LBP: variants seen among roughly 807,000 people sequenced by gnomAD.
LBP encodes lipopolysaccharide-binding protein.
Under a neutral mutation model 56.6 loss-of-function variants are expected in LBP, and 53 were observed. That is an observed-to-expected ratio of 0.94 (90% confidence interval 0.75 to 1.18). LBP has a LOEUF of 1.18. Ranked by LOEUF, LBP falls within the 50% of genes most tolerant of loss-of-function variation. The pLI is 0.00. For synonymous variants in LBP, 227 were observed against 247.5 expected (o/e 0.92, Z 0.78); for missense variants, 601 against 598.3 (o/e 1.00, Z -0.05).
Position 38,364,032 on chromosome 20 carries a change from G to C in LBP, c.710G>C (p.Arg237Pro). 1.9e-6 allele frequency: 3 copies of C among 1,613,854 alleles called. No individual in the cohort carries two copies. Among genetic ancestry groups the C allele is most frequent in the East Asian group, 2.2e-5 (1 of 44,876 alleles). The change falls in exon 7 of 15, where the codon CGG (arginine) becomes CCG (proline). Residue 237 changes from arginine to proline, a missense_variant. Coordinates refer to ENST00000217407, the MANE Select transcript of LBP (RefSeq NM_004139.5). ...DIDYSLVEAP[R>P]ATAQMLEVMF... ...GATTATAGCTTAGTGGAAGCCCCTCGGGCAACAGCCCAGATGCTGGAGGTG... is the reference window on the plus strand; with the variant it reads ...GATTATAGCTTAGTGGAAGCCCCTCCGGCAACAGCCCAGATGCTGGAGGTG...
In LBP at chr20:38,354,158, T is replaced by A. The variant is rs1262765766; in HGVS notation, c.369-126T>A. 9 of 743,066 alleles carry A rather than the reference T, an allele frequency of 1.2e-5. No individual in the cohort carries two copies. The Admixed American group carries it at 2.5e-4, about 21-fold the overall frequency. 46.0% of individuals were successfully genotyped at this position (743,066 alleles called of 1,614,324 possible). A position where few individuals can be genotyped will look rare whatever the true frequency, so the allele number is the denominator to read the frequency against. ...CTTCTAGATCTTTTATGGCTTTATT[T>A]GTTATTCTTAAATCTCTGCTCAGCT... On this transcript the variant is annotated intron_variant, in intron 3 of 14. Coordinates refer to ENST00000217407, the MANE Select transcript of LBP (RefSeq NM_004139.5).
rs758122072 is a variant in LBP, at chr20:38,373,031, C to G, written c.1261-41C>G. The G allele has an allele frequency of 4.5e-5, 70 of 1,547,372 alleles. No homozygotes were observed. In the Middle Eastern group the frequency reaches 1.7e-3, roughly 37 times the overall value. On this transcript the variant is annotated intron_variant, in intron 12 of 14. Coordinates refer to ENST00000217407, the MANE Select transcript of LBP (RefSeq NM_004139.5). The stretch of plus-strand genomic sequence containing the variant: ...TGGCACACACAGAACCACCATGTGG[C>G]CCTGTGGCGATGTAAATATATCTCT...
intron 5 of LBP, 86 bp downstream of exon 5, chr20:38,355,495 C>T: frequency 4.9e-6 from 6 of 1,213,680 alleles, no homozygotes. Flanking sequence ...TGGACCAGGC[C>T]ATGGGGGCTG....
chr20:38,356,316 AC>A (rs2076839615), intron 5 of LBP, among the ~76,000 whole-genome samples: 1 of 123,878 alleles, frequency 8.1e-6, no homozygotes, highest in Non-Finnish European at 1.7e-5. Flanking sequence ...CACAAAACAC[AC>A]CACCCACAGA....
chr20:38,353,715 G>T (rs1447936231), intron 3 of LBP, among the ~76,000 whole-genome samples: 1 of 152,026 alleles, frequency 6.6e-6, no homozygotes, highest in Non-Finnish European at 1.5e-5. Context: ...CTGTTTACTC[G>T]TACATTCAAT....
intron 6 of LBP, 45 bp from the exon 7 acceptor site, chr20:38,363,929 TG>T (rs754260448): frequency 7.2e-7 from 1 of 1,392,278 alleles, no homozygotes; most frequent in Non-Finnish European, 1.0e-6. Context: ...CTCCAGCAGC[TG>T]AAAGTGTCAT....
At chr20:38,360,553 C>G (rs1568830942) in intron 5 of LBP, 151 bp from the exon 6 acceptor site, 1 of 599,944 alleles carries the variant, frequency 1.7e-6, no homozygotes. Context: ...TTTGTATTTC[C>G]TTGGTACCTG....
At chr20:38,366,655 A>G (rs1240637217) in intron 8 of LBP, 114 bp from the exon 9 acceptor site, 1 of 975,490 alleles carries the variant, frequency 1.0e-6, no homozygotes. Context: ...TGCCAGGGTA[A>G]CCCAGGCTGT....
Position 38,364,731 on chromosome 20 carries a change from C to A in LBP, c.900C>A (p.Asn300Lys). Residue 300 changes from asparagine (N) to lysine (K), a missense_variant, in exon 8 of 15, where the codon AAC (asparagine) becomes AAA (lysine). Coordinates refer to ENST00000217407, the MANE Select transcript of LBP (RefSeq NM_004139.5). ...SLVYHEEGYL[N>K]FSITDDMIPP... ...TTTATCATGAGGAAGGATATCTGAA[C>A]TTCTCCATCACAGATGACATGGTGA... 1 of 1,612,262 alleles carries A rather than the reference C, an allele frequency of 6.2e-7. No homozygotes were observed. The highest frequency in any genetic ancestry group is 1.1e-5 in the South Asian group (1 of 90,660).
At chr20:38,370,852 C>T (rs765476058) in intron 11 of LBP, 47 bp downstream of exon 11, 1 of 1,438,860 alleles carries the variant, frequency 6.9e-7, no homozygotes, top group African/African-American at 1.4e-5. Flanking sequence ...TGGACTCCAT[C>T]TGTATGCTGT....
chr20:38,346,746 G>A, intron 1 of LBP, 106 bp downstream of exon 1: 1 of 1,480,120 alleles, frequency 6.8e-7, no homozygotes, highest in Non-Finnish European at 9.2e-7. Context: ...CTCTCCCTGG[G>A]GCAGTGCCAC....
rs1235961606 is a variant in LBP, at chr20:38,350,948, G to A, written c.368+9G>A. ...GTGCGCAAGTCATTCTTGTAAGTTG[G>A]CTCTGCTCCCAGGCCCTGGAGCTCT... is the stretch of plus-strand genomic sequence containing the variant. On this transcript the variant is annotated intron_variant, in intron 3 of 14. Coordinates refer to ENST00000217407, the MANE Select transcript of LBP (RefSeq NM_004139.5). 1 of 1,612,228 alleles carries A rather than the reference G, an allele frequency of 6.2e-7. No homozygotes were observed. Among genetic ancestry groups the A allele is most frequent in the African/African-American group, 1.3e-5 (1 of 74,900 alleles).
At chr20:38,361,114 A>G (rs2122610502) in intron 6 of LBP, among the ~76,000 whole-genome samples, 1 of 151,710 alleles carries the variant, frequency 6.6e-6, no homozygotes, top group African/African-American at 2.4e-5. Flanking sequence ...GTGAGCCAAG[A>G]TCACGCCATT....
At chr20:38,352,018 A>T (rs1360412947) in intron 3 of LBP, among the ~76,000 whole-genome samples, 2 of 151,380 alleles carry the variant, frequency 1.3e-5, no homozygotes, top group Non-Finnish European at 2.9e-5. Flanking sequence ...AGCCTGGGGG[A>T]CAGAGCGAGA....
chr20:38,374,950 A>ATTTTTTTTTTTTTTTTTTTT (rs370110558), intron 14 of LBP, among the ~76,000 whole-genome samples: 9 of 127,138 alleles, frequency 7.1e-5, no homozygotes, highest in Non-Finnish European at 9.8e-5. Flanking sequence ...CTCCCAGCTA[A>ATTTTTTTTTTTTTTTTTTTT]TTTTTTTTTT....
intron 9 of LBP, among the ~76,000 whole-genome samples, chr20:38,367,042 G>T (rs1355235190): frequency 2.0e-5 from 3 of 152,146 alleles, no homozygotes; most frequent in Non-Finnish European, 4.4e-5. Flanking sequence ...ATCTTTTATT[G>T]GTGTTATCTA....
chr20:38,366,689 C>T, intron 8 of LBP, 80 bp from the exon 9 acceptor site: 1 of 1,295,072 alleles, frequency 7.7e-7, no homozygotes, highest in Non-Finnish European at 1.1e-6. Flanking sequence ...TCTTGCACAT[C>T]CCCCTGTCTC....
intron 6 of LBP, among the ~76,000 whole-genome samples, chr20:38,361,977 G>A (rs1006766285): frequency 1.3e-5 from 2 of 151,740 alleles, no homozygotes; most frequent in Non-Finnish European, 2.9e-5. Context: ...TCAAAAGCCA[G>A]AAGGCTTTCT....
chr20:38,363,278 C>T (rs2076867999), intron 6 of LBP, among the ~76,000 whole-genome samples: 1 of 152,148 alleles, frequency 6.6e-6, no homozygotes, highest in Admixed American at 6.5e-5. Context: ...TTGTAACAGA[C>T]CTTATTTGTT....
Sources: gnomAD v4.1 joint callset for allele counts (sites outside exome capture counted in the v4.1 genomes callset) on GRCh38, gnomAD v4.1.1 for gene constraint, MANE v1.5 for transcripts, NCBI Gene and HGNC (gene_info 2026-07-23, HGNC 2026-07-21) for gene names.